Variants in SYT14 observed in about 807,000 individuals in gnomAD.
The protein encoded by SYT14 is synaptotagmin 14.
Under a neutral mutation model 74.2 loss-of-function variants are expected in SYT14, and 32 were observed. That is an observed-to-expected ratio of 0.43 (90% CI 0.33 to 0.58). The LOEUF (loss-of-function observed/expected upper bound fraction) is 0.58. SYT14 is among the 20% of genes least tolerant of loss of function. SYT14 has a pLI of 0.05. For missense variants in SYT14, 791 were observed against 981.8 expected, an observed-to-expected ratio of 0.81 and a Z score of 2.60; for synonymous variants, 298 against 337.7, an observed-to-expected ratio of 0.88 and a Z score of 1.29.
chr1:210,087,882 C>T lies in SYT14; in HGVS notation c.1313-6440C>T, dbSNP rs138178566. 2.9e-3 allele frequency among the ~76,000 whole-genome samples: 444 copies of T among 152,242 alleles called. 2 individuals are homozygous for T. The highest frequency in any genetic ancestry group is 9.8e-3 in the African/African-American group (409 of 41,568). On this transcript the variant is annotated intron_variant, in intron 5 of 9. Transcript: ENST00000637265. Reference sequence around the variant, plus strand: ...CAGTGCAGCCCTCTGCCTTCCTCTGCCCCACTCAGTGGCTTTAGGGCTGAA... The same window carrying T: ...CAGTGCAGCCCTCTGCCTTCCTCTGTCCCACTCAGTGGCTTTAGGGCTGAA...
chr1:210,125,493 C>T (rs186115810), intron 7 of SYT14, among the ~76,000 whole-genome samples: 1 of 152,246 alleles, frequency 6.6e-6, no homozygotes, highest in Admixed American at 6.5e-5. Flanking sequence ...TTTCTGATCT[C>T]TTGATCAAAC....
At position 209,939,727 on chromosome 1, in the gene SYT14, TCTACCACA is replaced by T. The variant is rs549950146; in HGVS notation, c.-534+1468_-534+1475del. Among the ~76,000 whole-genome samples the T allele has an allele frequency of 1.7e-4, 26 of 152,346 alleles. No individual in the cohort carries two copies. In the South Asian group the frequency reaches 3.3e-3, roughly 19 times the overall value. ...AGAGTTTCTTGTGAAGCCGTGAAAC[TCTACCACA>T]CTACCACACTACCACACCACGTGAA... On this transcript the variant is annotated intron_variant, in intron 1 of 9. Coordinates refer to ENST00000637265, the Ensembl canonical transcript of SYT14.
At chr1:210,141,341 T>A (rs552318788) in intron 7 of SYT14, among the ~76,000 whole-genome samples, 6 of 152,330 alleles carry the variant, frequency 3.9e-5, no homozygotes, top group African/African-American at 1.2e-4. Flanking sequence ...AATTGTTCAT[T>A]GCTAGTGTAA....
intron 1 of SYT14, among the ~76,000 whole-genome samples, chr1:209,939,719 C>T (rs1248701623): frequency 2.6e-5 from 4 of 152,128 alleles, no homozygotes; most frequent in South Asian, 2.1e-4. Flanking sequence ...CTTGTGAAGC[C>T]GTGAAACTCT....
rs542955967 is a variant in SYT14, at chr1:210,112,327, C to CT, written c.2034+11867dup. On this transcript the variant is annotated intron_variant, in intron 7 of 9. Transcript: ENST00000637265. ...GAGGAGTGGAATAGCAGATGGAACA[C>CT]TGAGAAGTGATTTTCTTGAGGACAG... 9.2e-5 allele frequency among the ~76,000 whole-genome samples: 14 copies of CT among 151,360 alleles called. No homozygotes were observed. In the East Asian group the frequency reaches 2.7e-3, roughly 29 times the overall value.
At chr1:210,100,198 C>T (rs1373919674) in exon 7 of SYT14, 4 of 1,614,062 alleles carry the variant, frequency 2.5e-6, no homozygotes, top group Non-Finnish European at 3.4e-6. Context: ...ATGGCAAGTA[C>T]ACCTTGTTCT....
chr1:210,057,924 A>G (rs941814905), intron 5 of SYT14, among the ~76,000 whole-genome samples: 10 of 152,174 alleles, frequency 6.6e-5, no homozygotes, highest in African/African-American at 2.2e-4. Flanking sequence ...CAGAACACAT[A>G]AACTTTCTCT....
rs1219916097 is a variant in SYT14, at chr1:210,016,768, G to T, written c.765G>T (p.Gly255=). ...AATGTAAACATCTTCCCGATTTAGG[G>T]CATTCAGATCATTTAAAGAAAGCTG... Residue 255 remains glycine, a synonymous_variant, in exon 4 of 10, where the codon GGG becomes GGT. Coordinates refer to ENST00000637265, the Ensembl canonical transcript of SYT14. 4 of 1,231,652 alleles carry T rather than the reference G, an allele frequency of 3.2e-6. No homozygotes were observed. In the East Asian group the frequency reaches 1.3e-4, roughly 39 times the overall value. 76.3% of individuals were successfully genotyped at this position (1,231,652 alleles called of 1,614,324 possible). A position where few individuals can be genotyped will look rare whatever the true frequency, so the allele number is the denominator to read the frequency against.
chr1:210,134,442 T>C (rs993298162), intron 7 of SYT14, among the ~76,000 whole-genome samples: 7 of 152,108 alleles, frequency 4.6e-5, no homozygotes, highest in African/African-American at 1.7e-4. Flanking sequence ...ATTACTCTTA[T>C]TTATTTGAAC....
chr1:210,171,121 T>G (rs893539506), exon 10 of SYT14: 1 of 152,206 alleles, frequency 6.6e-6, no homozygotes, highest in African/African-American at 2.4e-5. Flanking sequence ...TTAATTCTTT[T>G]TCATTAGCTA....
chr1:209,972,068 A>C (rs1459472775), intron 2 of SYT14, among the ~76,000 whole-genome samples: 1 of 151,904 alleles, frequency 6.6e-6, no homozygotes, highest in Non-Finnish European at 1.5e-5. Context: ...TTGGAACTTG[A>C]TGTTGGTCTG....
intron 2 of SYT14, among the ~76,000 whole-genome samples, chr1:209,955,706 TG>T (rs2078981973): frequency 6.6e-6 from 1 of 152,192 alleles, no homozygotes; most frequent in African/African-American, 2.4e-5. Context: ...TATCTTACCC[TG>T]ATCTACAAAG....
chr1:210,066,687 CTGATG>C (rs1031601352), intron 5 of SYT14, among the ~76,000 whole-genome samples: 3 of 152,116 alleles, frequency 2.0e-5, no homozygotes, highest in Non-Finnish European at 2.9e-5. Flanking sequence ...CCTGTTCACT[CTGATG>C]GTAATTTCTT....
intron 2 of SYT14, among the ~76,000 whole-genome samples, chr1:210,008,760 T>C (rs976306613): frequency 1.3e-5 from 2 of 152,194 alleles, no homozygotes; most frequent in Admixed American, 1.3e-4. Flanking sequence ...AAAGAAGGTA[T>C]AGGTATAGAT....
chr1:209,972,272 C>G (rs1372646103), intron 2 of SYT14, among the ~76,000 whole-genome samples: 1 of 151,410 alleles, frequency 6.6e-6, no homozygotes, highest in Non-Finnish European at 1.5e-5. Context: ...AATCTAGTGG[C>G]CTATCAATGT....
chr1:210,157,528 G>T (rs1336740894), intron 8 of SYT14, among the ~76,000 whole-genome samples: 10 of 151,620 alleles, frequency 6.6e-5, no homozygotes, highest in Non-Finnish European at 1.5e-5. Context: ...TGGATCACGA[G>T]GTCAGGAGAT....
chr1:210,092,289 T>C (rs1184073646), intron 5 of SYT14, among the ~76,000 whole-genome samples: 1 of 152,206 alleles, frequency 6.6e-6, no homozygotes, highest in East Asian at 1.9e-4. Context: ...TTCATTCTCA[T>C]ACTTGTCACT....
Position 209,970,662 on chromosome 1 carries a change from C to CTTTTTTTTT in SYT14, c.-486+17937_-486+17945dup, listed in dbSNP as rs35639848. On this transcript the variant is annotated intron_variant, in intron 2 of 9. Coordinates refer to ENST00000637265, the Ensembl canonical transcript of SYT14. Reference sequence around the variant, plus strand: ...TTACAGATTGCTTTGGGCAGTATGGCTTTTTTTTTTTTTTTTTTTTTTTTT... The same window carrying CTTTTTTTTT: ...TTACAGATTGCTTTGGGCAGTATGGCTTTTTTTTTTTTTTTTTTTTTTTTTTTTTTTTTT... 1.4e-3 allele frequency among the ~76,000 whole-genome samples: 89 copies of CTTTTTTTTT among 62,804 alleles called. 24 individuals carry two copies. Among genetic ancestry groups the CTTTTTTTTT allele is most frequent in the East Asian group, 4.0e-3 (5 of 1,248 alleles). 41.2% of individuals were successfully genotyped at this position (62,804 alleles called of 152,430 possible).
chr1:210,051,685 T>C (rs1220724147), intron 5 of SYT14, among the ~76,000 whole-genome samples: 2 of 152,206 alleles, frequency 1.3e-5, no homozygotes, highest in Non-Finnish European at 2.9e-5. Flanking sequence ...TTTCTTTTGT[T>C]ACTTATTTTG....
Sources: gnomAD v4.1 joint callset for allele counts (sites outside exome capture counted in the v4.1 genomes callset) on GRCh38, gnomAD v4.1.1 for gene constraint, MANE v1.5 for transcripts, NCBI Gene and HGNC (gene_info 2026-07-23, HGNC 2026-07-21) for gene names.